Variants in TENM4 observed in about 807,000 individuals in gnomAD.
TENM4 encodes teneurin transmembrane protein 4, also known as teneurin-4.
TENM4 carries 82 observed loss-of-function variants against 243.3 expected under a neutral mutation model. That is an observed-to-expected ratio of 0.34 (90% CI 0.28 to 0.40). The LOEUF (loss-of-function observed/expected upper bound fraction) is 0.40, where lower values mean the gene tolerates loss of function less well. TENM4 is among the 10% of genes least tolerant of loss of function. The pLI is 1.00. For synonymous variants in TENM4, 1,412 were observed against 1,456.3 expected (o/e 0.97, Z 0.69); for missense variants, 3,138 against 3,673.3 (o/e 0.85, Z 3.77).
intron 1 of TENM4, among the ~76,000 whole-genome samples, chr11:79,376,697 G>A (rs1345449015): frequency 1.3e-5 from 2 of 152,220 alleles, no homozygotes; most frequent in African/African-American, 2.4e-5. Flanking sequence ...GCTGGGCAAT[G>A]TGTATGTCCC....
At chr11:79,205,486 C>G (rs765264476) in intron 3 of TENM4, among the ~76,000 whole-genome samples, 8 of 152,238 alleles carry the variant, frequency 5.3e-5, no homozygotes, top group Non-Finnish European at 8.8e-5. Context: ...CTTCCACCCC[C>G]AGCCCAGGTC....
At position 78,961,632 on chromosome 11, in the gene TENM4, C is replaced by T. The variant is rs187793590; in HGVS notation, c.494-58109G>A. Among the ~76,000 whole-genome samples the T allele has an allele frequency of 3.3e-5, 5 of 152,258 alleles. No homozygotes were observed. The East Asian group carries it at 9.7e-4, about 29-fold the overall frequency. On this transcript the variant is annotated intron_variant, in intron 6 of 33. Coordinates refer to ENST00000278550, the MANE Select transcript of TENM4 (RefSeq NM_001098816.3). ...GAAACTGGAGAACTTTTAAAGCCAG[C>T]GCTGTTTTATGGGTAATGGGGTAAT...
chr11:79,043,149 C>A (rs1054955760), intron 6 of TENM4, among the ~76,000 whole-genome samples: 5 of 152,252 alleles, frequency 3.3e-5, no homozygotes, highest in Non-Finnish European at 7.3e-5. Context: ...CCCTCTCCAA[C>A]ACATTGTTGG....
chr11:79,090,414 C>T (rs947095117), intron 4 of TENM4, among the ~76,000 whole-genome samples: 2 of 152,226 alleles, frequency 1.3e-5, no homozygotes, highest in South Asian at 4.1e-4. Context: ...CATGCAGACA[C>T]CCGTGCAGAA....
rs543362137 is a variant in TENM4 at position 78,775,905 on chromosome 11, G to A, written c.2392+2697C>T. 9.2e-5 allele frequency among the ~76,000 whole-genome samples: 14 copies of A among 152,324 alleles called. No homozygotes were observed. The South Asian group carries it at 1.5e-3, about 16-fold the overall frequency. On this transcript the variant is annotated intron_variant, in intron 17 of 33. Coordinates refer to ENST00000278550, the MANE Select transcript of TENM4 (RefSeq NM_001098816.3). Reference sequence around the variant, plus strand: ...TTAGGCCTATGAAGAAGTCCCCCTTGCAGCTAGCACCAGGTATGATTAGAA... The same window carrying A: ...TTAGGCCTATGAAGAAGTCCCCCTTACAGCTAGCACCAGGTATGATTAGAA...
intron 6 of TENM4, chr11:78,903,848 G>A (rs1445642283): frequency 3.3e-6 from 2 of 601,622 alleles, no homozygotes; most frequent in African/African-American, 1.8e-5. Context: ...TTAGGACGTG[G>A]TTTTTAAAGT....
At chr11:78,998,009 C>T (rs1858220447) in intron 6 of TENM4, among the ~76,000 whole-genome samples, 1 of 152,152 alleles carries the variant, frequency 6.6e-6, no homozygotes, top group Admixed American at 6.5e-5. Flanking sequence ...TGTCTATTAG[C>T]CAGAACGTAT....
chr11:79,376,008 A>G (rs1447945709), intron 1 of TENM4, among the ~76,000 whole-genome samples: 1 of 152,214 alleles, frequency 6.6e-6, no homozygotes, highest in Admixed American at 6.5e-5. Flanking sequence ...ATTCTAAAGG[A>G]AAAGTTGTGT....
chr11:78,953,733 C>T (rs1459012556), intron 6 of TENM4, among the ~76,000 whole-genome samples: 1 of 152,110 alleles, frequency 6.6e-6, no homozygotes, highest in Non-Finnish European at 1.5e-5. Flanking sequence ...TATGCAAATA[C>T]TATGCCATTT....
chr11:79,017,335 G>A (rs1194296717), intron 6 of TENM4, among the ~76,000 whole-genome samples: 1 of 152,164 alleles, frequency 6.6e-6, no homozygotes, highest in Non-Finnish European at 1.5e-5. Flanking sequence ...ATTTCTGCAG[G>A]GCTTTTCCAG....
intron 1 of TENM4, among the ~76,000 whole-genome samples, chr11:79,306,481 T>C (rs1243882265): frequency 6.6e-6 from 1 of 152,040 alleles, no homozygotes; most frequent in Non-Finnish European, 1.5e-5. Context: ...CTGTGGTGGC[T>C]AGACCACAGT....
At chr11:78,757,118 A>C (rs948624859) in intron 18 of TENM4, 97 bp from the exon 19 acceptor site, 4 of 1,304,080 alleles carry the variant, frequency 3.1e-6, no homozygotes, top group Non-Finnish European at 4.2e-6. Context: ...TTTTTCACTC[A>C]TTCAAAAACT....
In TENM4 at chr11:78,658,742, G is replaced by A. The variant is rs747516983; in HGVS notation, c.7626C>T (p.Leu2542=). The change falls in exon 34 of 34, where the codon CTC becomes CTT. Residue 2542 remains leucine (L), a synonymous_variant. Coordinates refer to ENST00000278550, the MANE Select transcript of TENM4 (RefSeq NM_001098816.3). ...AFVTLERFDQ[L]YGSTITSCQQ... ...GGCAGCTGGTGATTGTGGAGCCATA[G>A]AGCTGGTCAAACCGTTCTAAGGTGA... 4.0e-5 allele frequency: 65 copies of A among 1,613,908 alleles called. No homozygotes were observed. The highest frequency in any genetic ancestry group is 5.2e-5 in the Non-Finnish European group (61 of 1,179,906).
Position 78,903,511 on chromosome 11 carries a change from C to T in TENM4, c.506G>A (p.Gly169Asp). The T allele has an allele frequency of 1.3e-6, 2 of 1,546,978 alleles. No individual in the cohort carries two copies. The highest frequency in any genetic ancestry group is 2.4e-5 in the South Asian group (2 of 84,024). The change falls in exon 7 of 34, where the codon GGC (glycine) becomes GAC (aspartate). Residue 169 changes from glycine to aspartate, a missense_variant. Transcript: ENST00000278550. Reference sequence around the variant, plus strand: ...CCGGAGCCGCGCGTGGTTCTGCAGGCCGCCCGGATGATCTAGGGCACAAAC... The same window carrying T: ...CCGGAGCCGCGCGTGGTTCTGCAGGTCGCCCGGATGATCTAGGGCACAAAC... ...HENTETDHPGGLQNHARLRTP... is the reference protein window; with the variant it reads ...HENTETDHPGDLQNHARLRTP...
chr11:79,057,842 CCTT>C (rs1469324168), intron 6 of TENM4, among the ~76,000 whole-genome samples: 1 of 152,162 alleles, frequency 6.6e-6, no homozygotes, highest in East Asian at 1.9e-4. Context: ...ATATGACAAA[CCTT>C]CTCTTGGTTT....
chr11:79,115,727 A>G (rs1861604917), intron 4 of TENM4, among the ~76,000 whole-genome samples: 1 of 152,128 alleles, frequency 6.6e-6, no homozygotes, highest in African/African-American at 2.4e-5. Flanking sequence ...AGACATCAGA[A>G]CCCTGCAAGC....
Position 79,411,183 on chromosome 11 carries a change from C to G in TENM4, c.-321+29326G>C, listed in dbSNP as rs544513383. Among the ~76,000 whole-genome samples, 20 of 152,284 alleles carry G rather than the reference C, an allele frequency of 1.3e-4. No homozygotes were observed. In the East Asian group the frequency reaches 3.3e-3, roughly 25 times the overall value. On this transcript the variant is annotated intron_variant, in intron 1 of 33. Transcript: ENST00000278550. ...CACACAGACTGCCTGACTCCTGAAC[C>G]CTTGATCTTCCCCAGGCCATGGTAT...
chr11:79,282,629 G>A (rs191714679), intron 2 of TENM4, among the ~76,000 whole-genome samples: 2 of 152,290 alleles, frequency 1.3e-5, no homozygotes, highest in East Asian at 1.9e-4. Flanking sequence ...TGAATGGCAA[G>A]CTATTAATAC....
chr11:79,032,686 T>C (rs780768281), intron 6 of TENM4, among the ~76,000 whole-genome samples: 1 of 152,186 alleles, frequency 6.6e-6, no homozygotes, highest in African/African-American at 2.4e-5. Flanking sequence ...AACAGAAAGA[T>C]AATTGCTTGA....
Sources: gnomAD v4.1 joint callset for allele counts (sites outside exome capture counted in the v4.1 genomes callset) on GRCh38, gnomAD v4.1.1 for gene constraint, MANE v1.5 for transcripts, NCBI Gene and HGNC (gene_info 2026-07-23, HGNC 2026-07-21) for gene names.